Variants in VPS13B observed in about 807,000 individuals in gnomAD.
VPS13B encodes the protein vacuolar protein sorting 13 homolog B.
A neutral mutation model predicts 426.4 loss-of-function variants in VPS13B; 285 were observed. The ratio of observed to expected loss-of-function variants is 0.67; its 90% CI spans 0.61 to 0.74. VPS13B has a LOEUF of 0.74. Ranked by LOEUF, VPS13B falls within the 30% of genes least tolerant of loss-of-function variation. VPS13B has a pLI of 0.00. For missense variants in VPS13B, 4,537 were observed against 4,782.6 expected, an observed-to-expected ratio of 0.95 and a Z score of 1.51; for synonymous variants, 1,676 against 1,676.4, an observed-to-expected ratio of 1.00 and a Z score of 0.01.
At chr8:99,390,101 T>C (rs531018117) in intron 20 of VPS13B, among the ~76,000 whole-genome samples, 1 of 142,454 alleles carries the variant, frequency 7.0e-6, no homozygotes, top group East Asian at 2.0e-4. Flanking sequence ...TCATTTTAAA[T>C]TTTTTTTTTT....
At chr8:99,225,501 C>T (rs1011881802) in intron 17 of VPS13B, among the ~76,000 whole-genome samples, 1 of 151,990 alleles carries the variant, frequency 6.6e-6, no homozygotes, top group African/African-American at 2.4e-5. Flanking sequence ...TGGTCTTGAT[C>T]TTCTGACCTC....
intron 16 of VPS13B, among the ~76,000 whole-genome samples, chr8:99,185,055 C>T (rs560695374): frequency 4.6e-5 from 7 of 152,176 alleles, no homozygotes; most frequent in South Asian, 4.2e-4. Flanking sequence ...ACACTGCTGA[C>T]GAATGTGAAA....
chr8:99,477,634 T>C (rs1819769017), intron 24 of VPS13B, among the ~76,000 whole-genome samples: 1 of 152,238 alleles, frequency 6.6e-6, no homozygotes, highest in Non-Finnish European at 1.5e-5. Flanking sequence ...CCTTGTACAC[T>C]ATTGAATCTA....
intron 19 of VPS13B, among the ~76,000 whole-genome samples, chr8:99,364,393 C>G (rs1812727238): frequency 6.6e-6 from 1 of 151,846 alleles, no homozygotes; most frequent in Admixed American, 6.6e-5. Flanking sequence ...GAGGATTTTT[C>G]CATCAATTTT....
At chr8:99,100,199 A>G (rs999113722) in intron 4 of VPS13B, among the ~76,000 whole-genome samples, 1 of 152,196 alleles carries the variant, frequency 6.6e-6, no homozygotes. Flanking sequence ...CTACAGAAGT[A>G]GTTCTTTCGA....
At chr8:99,050,558 A>G (rs1403083143) in intron 3 of VPS13B, among the ~76,000 whole-genome samples, 1 of 152,186 alleles carries the variant, frequency 6.6e-6, no homozygotes, top group Admixed American at 6.5e-5. Context: ...CAAGTAATGG[A>G]TGGCTGGGTC....
chr8:99,063,764 T>G (rs955706065), intron 3 of VPS13B, among the ~76,000 whole-genome samples: 2 of 152,168 alleles, frequency 1.3e-5, no homozygotes, highest in African/African-American at 4.8e-5. Flanking sequence ...ACAGACTGCC[T>G]CCTCAAGTGG....
At chr8:99,620,986 CAAAAA>C (rs397892235) in intron 33 of VPS13B, among the ~76,000 whole-genome samples, 1 of 50,858 alleles carries the variant, frequency 2.0e-5, no homozygotes, top group Non-Finnish European at 4.0e-5. Flanking sequence ...AACTCCATCT[CAAAAA>C]AAAAAAAAAA....
intron 14 of VPS13B, among the ~76,000 whole-genome samples, chr8:99,148,951 G>A (rs1350519672): frequency 4.6e-5 from 7 of 152,228 alleles, no homozygotes; most frequent in African/African-American, 1.4e-4. Flanking sequence ...TTTCATGGCC[G>A]CCTCTCTCAA....
intron 33 of VPS13B, among the ~76,000 whole-genome samples, chr8:99,615,689 A>C (rs1035004214): frequency 6.6e-6 from 1 of 152,034 alleles, no homozygotes; most frequent in Non-Finnish European, 1.5e-5. Flanking sequence ...ATTTCTGTAA[A>C]ATTTGTTTTG....
At chr8:99,587,579 A>G (rs572001710) in intron 33 of VPS13B, among the ~76,000 whole-genome samples, 1 of 151,846 alleles carries the variant, frequency 6.6e-6, no homozygotes, top group South Asian at 2.1e-4. Flanking sequence ...ACCAGTGATG[A>G]TGAGCATTTT....
At chr8:99,860,380 G>C (rs1816776367) in intron 57 of VPS13B, among the ~76,000 whole-genome samples, 2 of 152,148 alleles carry the variant, frequency 1.3e-5, no homozygotes, top group Admixed American at 1.3e-4. Flanking sequence ...AGGACTGGGG[G>C]CTGAGCTGCA....
At chr8:99,106,755 G>C (rs532398054) in intron 5 of VPS13B, among the ~76,000 whole-genome samples, 2 of 152,026 alleles carry the variant, frequency 1.3e-5, no homozygotes, top group Non-Finnish European at 2.9e-5. Flanking sequence ...TCAGGTTTTC[G>C]TCTGTAACAA....
At chr8:99,763,148 A>G (rs1298536913) in intron 39 of VPS13B, among the ~76,000 whole-genome samples, 32 of 140,444 alleles carry the variant, frequency 2.3e-4, no homozygotes, top group Admixed American at 1.8e-3. Context: ...AAAAAAAAAA[A>G]AAAAAAAAAA....
At chr8:99,486,280 C>T (rs1366247026) in intron 25 of VPS13B, among the ~76,000 whole-genome samples, 1 of 151,980 alleles carries the variant, frequency 6.6e-6, no homozygotes, top group Non-Finnish European at 1.5e-5. Flanking sequence ...GGCTGGAGTG[C>T]AGTGGCGCGA....
chr8:99,829,866 G>C (rs1814945351), intron 51 of VPS13B, among the ~76,000 whole-genome samples: 1 of 152,150 alleles, frequency 6.6e-6, no homozygotes, highest in South Asian at 2.1e-4. Context: ...TCTTCTGTAG[G>C]TCTGCTAGAG....
chr8:99,060,051 T>C (rs1265002920), intron 3 of VPS13B, among the ~76,000 whole-genome samples: 1 of 152,086 alleles, frequency 6.6e-6, no homozygotes, highest in Non-Finnish European at 1.5e-5. Context: ...TAGCTTCTTT[T>C]TGAGGTGAAA....
At chr8:99,289,395 C>G (rs1819612224) in intron 19 of VPS13B, among the ~76,000 whole-genome samples, 1 of 152,034 alleles carries the variant, frequency 6.6e-6, no homozygotes, top group Non-Finnish European at 1.5e-5. Context: ...TATTGCCGTT[C>G]TTTTTTGTTT....
At chr8:99,832,090 C>T (rs1407182030) in intron 51 of VPS13B, among the ~76,000 whole-genome samples, 3 of 151,910 alleles carry the variant, frequency 2.0e-5, no homozygotes, top group Admixed American at 6.6e-5. Flanking sequence ...AGCGAAACCC[C>T]ATCTCTACTA....
Sources: gnomAD v4.1 joint callset for allele counts (sites outside exome capture counted in the v4.1 genomes callset) on GRCh38, gnomAD v4.1.1 for gene constraint, MANE v1.5 for transcripts, NCBI Gene and HGNC (gene_info 2026-07-23, HGNC 2026-07-21) for gene names.